Variants in VPS13C observed in about 807,000 individuals in gnomAD.
VPS13C encodes the protein intermembrane lipid transfer protein VPS13C.
VPS13C carries 358 observed loss-of-function variants against 456.8 expected under a neutral mutation model. That is an observed-to-expected ratio of 0.78 (90% CI 0.72 to 0.86). The LOEUF is 0.86. Ranked by LOEUF, VPS13C falls within the 40% of genes least tolerant of loss-of-function variation. VPS13C has a pLI of 0.00. For missense variants in VPS13C, 4,818 were observed against 4,385.4 expected (o/e 1.10, Z -2.79); for synonymous variants, 1,578 against 1,486.7 (o/e 1.06, Z -1.41).
At chr15:62,054,667 T>G (rs893409458) in intron 1 of VPS13C, among the ~76,000 whole-genome samples, 9 of 151,438 alleles carry the variant, frequency 5.9e-5, no homozygotes, top group African/African-American at 1.9e-4. Context: ...CAAACCACCA[T>G]GGCACATGTA....
At chr15:62,028,277 A>G (rs2047703994) in intron 6 of VPS13C, 81 bp downstream of exon 6, 1 of 1,454,752 alleles carries the variant, frequency 6.9e-7, no homozygotes, top group Non-Finnish European at 9.6e-7. Context: ...ATGGCATGCC[A>G]TCAAATGGAC....
rs2045729313 is a variant in VPS13C at position 61,977,186 on chromosome 15, T to C, written c.2304A>G (p.Lys768=). 6.4e-7 allele frequency: 1 copy of C among 1,550,572 alleles called. No individual in the cohort carries two copies. Among genetic ancestry groups the C allele is most frequent in the East Asian group, 2.4e-5 (1 of 41,512 alleles). The change falls in exon 24 of 85, where the codon AAA becomes AAG. Residue 768 remains lysine (K), a synonymous_variant. Transcript: ENST00000644861. ...LLFARAEETW[K]KCRFQHPSTM... The stretch of plus-strand genomic sequence containing the variant: ...TTGATGGATGCTGAAATCGACACTT[T>C]TTCCAGGTTTCCTCTTTAAAAAATA...
At position 61,882,695 on chromosome 15, in the gene VPS13C, A is replaced by G. The variant is rs17303915; in HGVS notation, c.9525T>C (p.Ile3175=). The change falls in exon 69 of 85, where the codon ATT becomes ATC. Residue 3175 remains isoleucine (I), a synonymous_variant. Transcript: ENST00000644861. ...DKDPMEMRLP[I]RSPIKRDFLS... ...AAAAGTCTCGTTTAATAGGGCTACGAATAGGGAGGCGCATTTCCATTGGAT... is the reference window on the plus strand; with the variant it reads ...AAAAGTCTCGTTTAATAGGGCTACGGATAGGGAGGCGCATTTCCATTGGAT... The G allele has an allele frequency of 0.071, 113,528 of 1,595,326 alleles. 4,395 individuals are homozygous for G. The highest frequency in any genetic ancestry group is 0.081 in the Middle Eastern group (483 of 5,980).
chr15:61,964,678 A>C, intron 31 of VPS13C, 21 bp downstream of exon 31: 2 of 1,583,308 alleles, frequency 1.3e-6, no homozygotes, highest in Non-Finnish European at 1.7e-6. Flanking sequence ...CTAACAAAAA[A>C]CAAAAATGTA....
chr15:62,047,570 G>C (rs912576320), intron 1 of VPS13C, among the ~76,000 whole-genome samples: 22 of 152,188 alleles, frequency 1.4e-4, no homozygotes, highest in African/African-American at 5.3e-4. Flanking sequence ...CATTCTCCAA[G>C]TTATTTGCAC....
At chr15:61,893,371 T>C (rs1188770714) in intron 66 of VPS13C, among the ~76,000 whole-genome samples, 1 of 152,120 alleles carries the variant, frequency 6.6e-6, no homozygotes, top group Non-Finnish European at 1.5e-5. Context: ...CAACCAAGAA[T>C]ATTGTATCCA....
At chr15:62,021,469 T>C (rs937754555) in intron 8 of VPS13C, among the ~76,000 whole-genome samples, 27 of 152,048 alleles carry the variant, frequency 1.8e-4, no homozygotes, top group African/African-American at 6.3e-4. Flanking sequence ...TGATCTTCAA[T>C]ATCTAAGTTG....
At chr15:61,953,890 A>G (rs1479154568) in intron 38 of VPS13C, among the ~76,000 whole-genome samples, 2 of 152,134 alleles carry the variant, frequency 1.3e-5, no homozygotes, top group African/African-American at 4.8e-5. Flanking sequence ...AAATAATTAC[A>G]AAAATGTTAA....
chr15:62,059,477 G>A (rs2048915734), intron 1 of VPS13C, among the ~76,000 whole-genome samples: 1 of 152,180 alleles, frequency 6.6e-6, no homozygotes, highest in Admixed American at 6.5e-5. Context: ...TCGTTGAAGA[G>A]TGTATGTTTA....
intron 1 of VPS13C, among the ~76,000 whole-genome samples, chr15:62,044,895 T>C (rs2048354282): frequency 6.6e-6 from 1 of 152,150 alleles, no homozygotes; most frequent in Non-Finnish European, 1.5e-5. Context: ...GAAAAAGTTT[T>C]CATTTCACTT....
intron 64 of VPS13C, among the ~76,000 whole-genome samples, chr15:61,909,795 TG>T (rs1208792316): frequency 4.6e-5 from 7 of 152,206 alleles, no homozygotes; most frequent in Admixed American, 4.6e-4. Context: ...CTATCATTGT[TG>T]CACATTTGAG....
chr15:61,874,956 CAA>C lies in VPS13C; in HGVS notation c.10339-7_10339-6del. 5.3e-6 allele frequency: 8 copies of C among 1,506,182 alleles called. No individual in the cohort carries two copies. The Admixed American group carries it at 9.4e-5, about 18-fold the overall frequency. 93.3% of individuals were successfully genotyped at this position (1,506,182 alleles called of 1,614,324 possible). ...TTCAGGGCCTTGAACAGCACCCTGG[CAA>C]AAAAAAATAAAAAATAATCTTATTA... On this transcript the variant is annotated splice_polypyrimidine_tract_variant and splice_region_variant and intron_variant, in intron 76 of 84. Transcript: ENST00000644861.
intron 22 of VPS13C, among the ~76,000 whole-genome samples, chr15:61,980,959 CTTAG>C (rs1402183629): frequency 3.3e-5 from 5 of 152,254 alleles, no homozygotes; most frequent in Admixed American, 1.3e-4. Context: ...TCTTGCTCTA[CTTAG>C]TTACTGACAG....
At chr15:62,037,008 T>C (rs1016369128) in intron 3 of VPS13C, among the ~76,000 whole-genome samples, 1 of 149,304 alleles carries the variant, frequency 6.7e-6, no homozygotes, top group Admixed American at 6.8e-5. Flanking sequence ...AAAAAAAAGA[T>C]AGTTATAAAG....
At chr15:61,991,378 A>G (rs2046219486) in intron 17 of VPS13C, among the ~76,000 whole-genome samples, 1 of 152,190 alleles carries the variant, frequency 6.6e-6, no homozygotes, top group Admixed American at 6.5e-5. Context: ...TTTTAATTGA[A>G]TATCTATGCA....
At chr15:61,974,168 T>A (rs1325767320) in intron 25 of VPS13C, 120 bp downstream of exon 25, 1 of 1,038,240 alleles carries the variant, frequency 9.6e-7, no homozygotes, top group East Asian at 2.9e-5. Flanking sequence ...TTGAAAGACA[T>A]TTTACTTTCA....
At position 61,896,365 on chromosome 15, in the gene VPS13C, A is replaced by C. The variant is rs1026771009; in HGVS notation, c.9106-5965T>G. ...CAGGTTCATCTCACTAGGGAGTGCC[A>C]GACAGTGGGCACAGGTCAGTGGGTG... On this transcript the variant is annotated intron_variant, in intron 66 of 84. Transcript: ENST00000644861. 2.0e-5 allele frequency among the ~76,000 whole-genome samples: 3 copies of C among 152,302 alleles called. No individual in the cohort carries two copies. The South Asian group carries it at 6.2e-4, about 32-fold the overall frequency.
chr15:62,000,527 T>A (rs1221933127), intron 16 of VPS13C, 37 bp downstream of exon 16: 1 of 1,578,044 alleles, frequency 6.3e-7, no homozygotes, highest in Non-Finnish European at 8.6e-7. Flanking sequence ...GGCATTAACA[T>A]GTTTAAAACA....
intron 37 of VPS13C, among the ~76,000 whole-genome samples, chr15:61,955,584 C>T (rs1344329204): frequency 6.6e-6 from 1 of 152,130 alleles, no homozygotes; most frequent in Admixed American, 6.6e-5. Flanking sequence ...TCACCTTACT[C>T]CATCACTGTT....
Sources: allele counts gnomAD v4.1 joint callset (sites outside exome capture counted in the v4.1 genomes callset), GRCh38; gene constraint gnomAD v4.1.1; transcripts MANE v1.5; gene names NCBI Gene and HGNC (gene_info 2026-07-23, HGNC 2026-07-21).